The following EIF2B3 variants were observed in gnomAD, a reference collection of about 807,000 sequenced individuals.
EIF2B3 encodes eukaryotic translation initiation factor 2B subunit gamma.
In EIF2B3, 20 loss-of-function variants were observed where a neutral mutation model predicts 54.1. That is an observed-to-expected ratio of 0.37 (90% CI 0.26 to 0.54). The LOEUF (loss-of-function observed/expected upper bound fraction) is 0.54. Ranked by LOEUF, EIF2B3 falls within the 20% of genes least tolerant of loss-of-function variation. The pLI is 0.86. For missense variants in EIF2B3, 448 were observed against 547.8 expected (o/e 0.82, Z 1.82); for synonymous variants, 153 against 188.1 (o/e 0.81, Z 1.52).
At chr1:44,949,850 A>C (rs900842678) in intron 3 of EIF2B3, among the ~76,000 whole-genome samples, 6 of 152,230 alleles carry the variant, frequency 3.9e-5, no homozygotes, top group African/African-American at 1.4e-4. Flanking sequence ...TTTCCTCTTC[A>C]GATTAAGAAC....
rs1194645004 is a variant in EIF2B3 at position 44,919,883 on chromosome 1, C to CTTTTTTTTTTTTT, written c.566+6732_566+6744dup. 3.1e-3 allele frequency among the ~76,000 whole-genome samples: 360 copies of CTTTTTTTTTTTTT among 117,172 alleles called. 8 individuals are homozygous for CTTTTTTTTTTTTT. The highest frequency in any genetic ancestry group is 7.5e-3 in the African/African-American group (246 of 32,982). The allele number at this position is 117,172 out of a possible 152,430, so 76.9% of individuals were successfully genotyped here. A position where few individuals can be genotyped will look rare whatever the true frequency, so the allele number is the denominator to read the frequency against. Reference sequence around the variant, plus strand: ...ACGCATGCGACAACATGCCTGGCTACTTTTTTTTTTTTTTTTTTAGTAGAT... The same window carrying CTTTTTTTTTTTTT: ...ACGCATGCGACAACATGCCTGGCTACTTTTTTTTTTTTTTTTTTTTTTTTTTTTTTTAGTAGAT... On this transcript the variant is annotated intron_variant, in intron 5 of 11. Coordinates refer to ENST00000360403, the MANE Select transcript of EIF2B3 (RefSeq NM_020365.5).
intron 3 of EIF2B3, among the ~76,000 whole-genome samples, chr1:44,967,522 C>T (rs979620601): frequency 1.9e-4 from 28 of 147,838 alleles, no homozygotes; most frequent in Non-Finnish European, 3.3e-4. Context: ...AGGCGGATCA[C>T]GAGGTCAGGA....
chr1:44,963,975 A>C (rs1229168557), intron 3 of EIF2B3, among the ~76,000 whole-genome samples: 3 of 152,212 alleles, frequency 2.0e-5, no homozygotes, highest in Non-Finnish European at 4.4e-5. Context: ...CAAATTAAGT[A>C]CAGGGCTACA....
At chr1:44,941,695 T>C in intron 3 of EIF2B3, 30 bp from the exon 4 acceptor site, 3 of 1,613,736 alleles carry the variant, frequency 1.9e-6, no homozygotes, top group Non-Finnish European at 2.5e-6. Context: ...AAAGTCAATA[T>C]CATAAAGGAC....
At chr1:44,873,029 T>A (rs1260963764) in intron 10 of EIF2B3, among the ~76,000 whole-genome samples, 1 of 152,190 alleles carries the variant, frequency 6.6e-6, no homozygotes, top group Non-Finnish European at 1.5e-5. Flanking sequence ...AACTCAGCGT[T>A]AGGTGATATC....
intron 4 of EIF2B3, among the ~76,000 whole-genome samples, chr1:44,930,449 C>A (rs1643887139): frequency 6.6e-6 from 1 of 152,216 alleles, no homozygotes; most frequent in Non-Finnish European, 1.5e-5. Context: ...TAGCTTTGAA[C>A]TAACAGAGCG....
At chr1:44,961,715 T>A (rs1329240344) in intron 3 of EIF2B3, among the ~76,000 whole-genome samples, 1 of 152,196 alleles carries the variant, frequency 6.6e-6, no homozygotes, top group Non-Finnish European at 1.5e-5. Flanking sequence ...TCAACACATA[T>A]TTGTTGAATA....
chr1:44,890,180 G>A (rs6671658), intron 6 of EIF2B3, among the ~76,000 whole-genome samples: 11,218 of 152,136 alleles, frequency 0.074, 1,417 homozygotes, highest in African/African-American at 0.26. Context: ...ATATAAAAAC[G>A]GGACTCTTGA....
chr1:44,877,002 C>G (rs1156580169), intron 8 of EIF2B3, among the ~76,000 whole-genome samples: 1 of 149,084 alleles, frequency 6.7e-6, no homozygotes, highest in Non-Finnish European at 1.5e-5. Context: ...AGGCAGCATG[C>G]TCGTTAAGAG....
intron 4 of EIF2B3, among the ~76,000 whole-genome samples, chr1:44,927,384 A>AAG (rs1643864601): frequency 2.0e-5 from 3 of 152,216 alleles, no homozygotes; most frequent in Admixed American, 2.0e-4. Flanking sequence ...GAGAGGGAAT[A>AAG]AGAGAGAGCT....
chr1:44,887,779 C>A (rs924297046), intron 6 of EIF2B3, among the ~76,000 whole-genome samples: 9 of 152,092 alleles, frequency 5.9e-5, no homozygotes, highest in African/African-American at 2.2e-4. Context: ...GTGGCGCAGG[C>A]CTGTAATCCT....
chr1:44,893,301 A>G lies in EIF2B3; in HGVS notation c.656+4054T>C, dbSNP rs577884092. On this transcript the variant is annotated intron_variant, in intron 6 of 11. Coordinates refer to ENST00000360403, the MANE Select transcript of EIF2B3 (RefSeq NM_020365.5). Reference sequence around the variant, plus strand: ...ACCTTGCCATGGCTGCCTATCCCCAACTCTTGACTTCACTTTGTGGGTCCT... The same window carrying G: ...ACCTTGCCATGGCTGCCTATCCCCAGCTCTTGACTTCACTTTGTGGGTCCT... Among the ~76,000 whole-genome samples, 3 of 151,992 alleles carry G rather than the reference A, an allele frequency of 2.0e-5. No individual in the cohort carries two copies. In the East Asian group the frequency reaches 5.8e-4, roughly 29 times the overall value.
chr1:44,930,665 C>T (rs1177834603), intron 4 of EIF2B3, among the ~76,000 whole-genome samples: 5 of 151,842 alleles, frequency 3.3e-5, no homozygotes, highest in African/African-American at 9.7e-5. Flanking sequence ...TTTGGAGGTG[C>T]AGTCTTGCTC....
chr1:44,882,922 CTTTTTCTTTTTTTTT>C (rs1202405370), intron 6 of EIF2B3, among the ~76,000 whole-genome samples: 1 of 135,272 alleles, frequency 7.4e-6, no homozygotes, highest in Non-Finnish European at 1.6e-5. Flanking sequence ...ACTTTTTTTT[CTTTTTCTTTTTTTTT>C]TTTTTTTTTT....
intron 5 of EIF2B3, among the ~76,000 whole-genome samples, chr1:44,912,770 ATTGT>A (rs1643540603): frequency 2.0e-5 from 3 of 152,276 alleles, no homozygotes; most frequent in African/African-American, 7.2e-5. Flanking sequence ...ATCCCTTGCT[ATTGT>A]TTGTTAACCT....
At chr1:44,855,281 G>A (rs1654401451) in intron 11 of EIF2B3, among the ~76,000 whole-genome samples, 1 of 152,174 alleles carries the variant, frequency 6.6e-6, no homozygotes, top group African/African-American at 2.4e-5. Context: ...TCCTTCAGCA[G>A]GACCATTAAA....
At chr1:44,856,032 T>C (rs1654421515) in intron 11 of EIF2B3, among the ~76,000 whole-genome samples, 1 of 152,242 alleles carries the variant, frequency 6.6e-6, no homozygotes, top group East Asian at 1.9e-4. Context: ...AAACACTTGG[T>C]CGGAGTCTTC....
At chr1:44,962,204 A>ATCATCATCAT (rs1553179559) in intron 3 of EIF2B3, among the ~76,000 whole-genome samples, 16 of 146,442 alleles carry the variant, frequency 1.1e-4, no homozygotes, top group African/African-American at 4.0e-4. Flanking sequence ...ATCATCATCA[A>ATCATCATCAT]CATCATCATC....
intron 4 of EIF2B3, among the ~76,000 whole-genome samples, chr1:44,938,480 C>T (rs577306883): frequency 5.0e-5 from 7 of 141,098 alleles, no homozygotes; most frequent in South Asian, 2.3e-4. Flanking sequence ...GACCTAATTT[C>T]TCTCTCTCTC....
Sources: allele counts gnomAD v4.1 joint callset (sites outside exome capture counted in the v4.1 genomes callset), GRCh38; gene constraint gnomAD v4.1.1; transcripts MANE v1.5; gene names NCBI Gene and HGNC (gene_info 2026-07-23, HGNC 2026-07-21).